Variants in SLC26A5 observed in about 807,000 individuals in gnomAD.
SLC26A5 encodes the protein prestin.
A neutral mutation model predicts 81.0 loss-of-function variants in SLC26A5; 51 were observed. The observed-to-expected ratio is 0.63, with a 90% confidence interval of 0.50 to 0.80. The LOEUF is 0.80. Ranked by LOEUF, SLC26A5 falls within the 30% of genes least tolerant of loss-of-function variation. SLC26A5 has a pLI of 0.00. For synonymous variants in SLC26A5, 325 were observed against 332.8 expected (o/e 0.98, Z 0.25); for missense variants, 771 against 905.8 (o/e 0.85, Z 1.91).
In SLC26A5 at chr7:103,374,241, G is replaced by C; in HGVS notation, c.*158C>G. 1 of 1,446,038 alleles carries C rather than the reference G, an allele frequency of 6.9e-7. No homozygotes were observed. The highest frequency in any genetic ancestry group is 9.0e-7 in the Non-Finnish European group (1 of 1,105,528). 89.6% of individuals were successfully genotyped at this position (1,446,038 alleles called of 1,614,324 possible). ...GAAGTATTCAATTAAAAAAACACAAGTACAATACATCTTGCTAGGCGTCAT... is the reference window on the plus strand; with the variant it reads ...GAAGTATTCAATTAAAAAAACACAACTACAATACATCTTGCTAGGCGTCAT... On this transcript the variant is annotated 3_prime_UTR_variant, in exon 20 of 20. Coordinates refer to ENST00000306312, the MANE Select transcript of SLC26A5 (RefSeq NM_198999.3).
chr7:103,388,203 T>G (rs1034860315), intron 14 of SLC26A5, among the ~76,000 whole-genome samples: 1 of 148,756 alleles, frequency 6.7e-6, no homozygotes, highest in Non-Finnish European at 1.5e-5. Flanking sequence ...GTTTTTTTTT[T>G]TTTTTTTTTT....
intron 19 of SLC26A5, chr7:103,362,207 T>A: frequency 6.6e-7 from 1 of 1,521,062 alleles, no homozygotes; most frequent in Non-Finnish European, 8.7e-7. Flanking sequence ...AAGGATGATC[T>A]AGTAATGTAC....
chr7:103,408,870 C>T (rs1824266308), intron 7 of SLC26A5, among the ~76,000 whole-genome samples: 1 of 152,216 alleles, frequency 6.6e-6, no homozygotes, highest in African/African-American at 2.4e-5. Context: ...AGACTTCCCA[C>T]TCAGCCCACA....
At chr7:103,422,019 A>G (rs1825390873) in intron 2 of SLC26A5, among the ~76,000 whole-genome samples, 2 of 152,212 alleles carry the variant, frequency 1.3e-5, no homozygotes, top group South Asian at 2.1e-4. Context: ...AAATTATTCT[A>G]TGGTTCAGAG....
At chr7:103,362,068 T>G (rs1248705494) in intron 19 of SLC26A5, 1 of 1,613,062 alleles carries the variant, frequency 6.2e-7, no homozygotes, top group Non-Finnish European at 8.5e-7. Context: ...CTACTGACAT[T>G]GAAGAAGGGA....
intron 4 of SLC26A5, 99 bp downstream of exon 4, chr7:103,420,639 A>G: frequency 6.9e-7 from 1 of 1,452,038 alleles, no homozygotes; most frequent in Non-Finnish European, 9.6e-7. Flanking sequence ...CTAGAAAGAT[A>G]TGATAAAAAT....
chr7:103,439,970 A>T (rs1174735074), intron 2 of SLC26A5, among the ~76,000 whole-genome samples: 3 of 152,160 alleles, frequency 2.0e-5, no homozygotes, highest in Non-Finnish European at 4.4e-5. Flanking sequence ...TCACTTTCTC[A>T]GGGGAAGCTT....
intron 2 of SLC26A5, among the ~76,000 whole-genome samples, chr7:103,433,902 C>T (rs980498104): frequency 2.6e-5 from 4 of 151,896 alleles, no homozygotes; most frequent in South Asian, 2.1e-4. Flanking sequence ...AGGGTTTCAC[C>T]GTGTTAGCCA....
chr7:103,415,971 C>G (rs1422127778), intron 4 of SLC26A5, among the ~76,000 whole-genome samples: 1 of 152,162 alleles, frequency 6.6e-6, no homozygotes. Flanking sequence ...TTCTCTCTTA[C>G]TGTCTTTTTC....
At chr7:103,366,216 T>G in intron 19 of SLC26A5, 1 of 1,449,946 alleles carries the variant, frequency 6.9e-7, no homozygotes, top group Non-Finnish European at 9.7e-7. Flanking sequence ...ATGAAAGCTG[T>G]AAAGTGATAT....
chr7:103,410,467 G>A lies in SLC26A5; in HGVS notation c.653C>T (p.Ala218Val). ...TAACATGGAGGTGAAGACATGCACA[G>A]CTGCTGCGGTGGTAAACCCACGGAC... ...PLVRGFTTAA[A>V]VHVFTSMLKY... The change falls in exon 7 of 20, where the codon GCT becomes GTT. Residue 218 changes from alanine (A) to valine (V), a missense_variant. By Grantham distance (64) the Ala-to-Val change is moderately conservative. Transcript: ENST00000306312. 1 of 1,614,000 alleles carries A rather than the reference G, an allele frequency of 6.2e-7. No individual in the cohort carries two copies. Among genetic ancestry groups the A allele is most frequent in the Non-Finnish European group, 8.5e-7 (1 of 1,179,912 alleles).
intron 2 of SLC26A5, among the ~76,000 whole-genome samples, chr7:103,433,127 G>A (rs1826198960): frequency 6.6e-6 from 1 of 152,110 alleles, no homozygotes; most frequent in African/African-American, 2.4e-5. Context: ...GGCTTATCCA[G>A]TGTTTCAATT....
Position 103,374,541 on chromosome 7 carries a change from AG to A in SLC26A5, c.2092del (p.Leu698TyrfsTer14). Reference protein sequence around the residue: ...TRNRFFENPALWELLFHSIHD... With the variant: ...TRNRFFENPAXWELLFHSIHD... ...AATGCTGTGGAACAGCAGCTCCCAT[AG>A]GGCAGGATTTTCAAAAAATCTATTC... On this transcript the variant is annotated frameshift_variant, in exon 20 of 20. Transcript: ENST00000306312. LOFTEE classifies it high-confidence loss of function. 3.7e-6 allele frequency: 6 copies of A among 1,614,116 alleles called. No individual in the cohort carries two copies. Among genetic ancestry groups the A allele is most frequent in the Non-Finnish European group, 5.1e-6 (6 of 1,180,010 alleles).
intron 16 of SLC26A5, 30 bp from the exon 17 acceptor site, chr7:103,378,583 A>C: frequency 6.3e-7 from 1 of 1,598,836 alleles, no homozygotes; most frequent in Non-Finnish European, 8.6e-7. Flanking sequence ...ATGCAAAATC[A>C]CTTCATGGCT....
At chr7:103,441,565 A>G (rs145611653) in intron 2 of SLC26A5, among the ~76,000 whole-genome samples, 21 of 152,332 alleles carry the variant, frequency 1.4e-4, no homozygotes, top group African/African-American at 4.8e-4. Context: ...ACTAAAGTTC[A>G]CATTTCAGCT....
chr7:103,362,505 A>T, intron 19 of SLC26A5: 1 of 1,414,934 alleles, frequency 7.1e-7, no homozygotes, highest in South Asian at 1.6e-5. Context: ...GTTGTTTGCG[A>T]CATTAGACAT....
intron 4 of SLC26A5, among the ~76,000 whole-genome samples, chr7:103,417,525 C>A (rs576360925): frequency 6.7e-6 from 1 of 150,284 alleles, no homozygotes; most frequent in African/African-American, 2.5e-5. Context: ...GATCTTAGCT[C>A]CCTTCTTTTT....
intron 9 of SLC26A5, among the ~76,000 whole-genome samples, chr7:103,394,437 A>G (rs924081248): frequency 3.3e-5 from 5 of 152,218 alleles, no homozygotes; most frequent in African/African-American, 1.2e-4. Context: ...GGCATGAACT[A>G]AGAGGGAAGG....
chr7:103,409,627 G>A (rs534435896), intron 7 of SLC26A5, among the ~76,000 whole-genome samples: 1 of 152,074 alleles, frequency 6.6e-6, no homozygotes, highest in Non-Finnish European at 1.5e-5. Context: ...TCTGTGTTTG[G>A]TAAGGGGTCT....
Sources: gnomAD v4.1 joint callset for allele counts (sites outside exome capture counted in the v4.1 genomes callset) on GRCh38, gnomAD v4.1.1 for gene constraint, MANE v1.5 for transcripts, NCBI Gene and HGNC (gene_info 2026-07-23, HGNC 2026-07-21) for gene names.